Variants in FAM227B observed in about 807,000 individuals in gnomAD.
FAM227B encodes the protein family with sequence similarity 227 member B, also known as protein FAM227B.
FAM227B carries 88 observed loss-of-function variants against 73.8 expected under a neutral mutation model. That is an observed-to-expected ratio of 1.19 (90% CI 1.00 to 1.42). FAM227B has a LOEUF of 1.42. Among genes scored for constraint, FAM227B ranks in the 40% most tolerant of loss-of-function variants. The pLI, the probability that FAM227B is intolerant of heterozygous loss-of-function variation, is 0.00. For missense variants in FAM227B, 632 were observed against 590.9 expected (o/e 1.07, Z -0.72); for synonymous variants, 210 against 190.5 (o/e 1.10, Z -0.84).
chr15:49,456,275 T>C (rs1318003275), intron 11 of FAM227B, among the ~76,000 whole-genome samples: 2 of 152,142 alleles, frequency 1.3e-5, no homozygotes, highest in Non-Finnish European at 2.9e-5. Context: ...TTGATGATCA[T>C]AATAGAATGC....
At chr15:49,347,876 G>A (rs945520682) in intron 13 of FAM227B, among the ~76,000 whole-genome samples, 3 of 152,008 alleles carry the variant, frequency 2.0e-5, no homozygotes, top group Non-Finnish European at 4.4e-5. Flanking sequence ...CAAATTAGCT[G>A]GGCGTGGTGG....
intron 1 of FAM227B, among the ~76,000 whole-genome samples, chr15:49,616,333 T>C (rs73406020): frequency 0.029 from 4,362 of 152,282 alleles, 218 homozygotes; most frequent in African/African-American, 0.1. Context: ...AGATATTTTA[T>C]CTGTGAAAAT....
At chr15:49,443,895 T>C (rs946893424) in intron 11 of FAM227B, among the ~76,000 whole-genome samples, 2 of 149,490 alleles carry the variant, frequency 1.3e-5, no homozygotes, top group Non-Finnish European at 3.0e-5. Context: ...TATGTGTGCA[T>C]ATATATGTAC....
At chr15:49,543,504 T>C (rs925556138) in intron 9 of FAM227B, among the ~76,000 whole-genome samples, 2 of 152,206 alleles carry the variant, frequency 1.3e-5, no homozygotes, top group African/African-American at 4.8e-5. Context: ...AGCTTTTTAG[T>C]TTAATTAAGT....
chr15:49,614,961 T>C, intron 2 of FAM227B, 160 bp downstream of exon 2: 2 of 687,152 alleles, frequency 2.9e-6, no homozygotes, highest in Non-Finnish European at 5.3e-6. Flanking sequence ...GCAATACTCA[T>C]CTCAGTGATT....
At chr15:49,503,910 G>C (rs28873717) in intron 11 of FAM227B, among the ~76,000 whole-genome samples, 49,222 of 151,840 alleles carry the variant, frequency 0.32, 8,694 homozygotes, top group African/African-American at 0.45. Flanking sequence ...ATTTGACCCA[G>C]CCATCCCATT....
At chr15:49,454,086 GT>G (rs771927762) in intron 11 of FAM227B, among the ~76,000 whole-genome samples, 7 of 152,136 alleles carry the variant, frequency 4.6e-5, no homozygotes, top group Non-Finnish European at 1.0e-4. Context: ...ACAGGCGTAG[GT>G]TTGAAACTCT....
intron 3 of FAM227B, among the ~76,000 whole-genome samples, chr15:49,606,538 C>T (rs2077532832): frequency 6.6e-6 from 1 of 152,192 alleles, no homozygotes; most frequent in African/African-American, 2.4e-5. Flanking sequence ...GTTAGGTTGC[C>T]AATTCTGTGA....
intron 11 of FAM227B, among the ~76,000 whole-genome samples, chr15:49,436,724 T>C (rs1242867846): frequency 9.2e-5 from 14 of 151,544 alleles, no homozygotes; most frequent in Admixed American, 9.2e-4. Flanking sequence ...ACTGTCAAAG[T>C]TGGGATGTGA....
intron 9 of FAM227B, among the ~76,000 whole-genome samples, chr15:49,553,627 C>A (rs1047329126): frequency 6.6e-6 from 1 of 152,208 alleles, no homozygotes; most frequent in Non-Finnish European, 1.5e-5. Context: ...GTCCTTCCTA[C>A]TCTTCCCTCC....
intron 3 of FAM227B, among the ~76,000 whole-genome samples, chr15:49,595,705 G>A (rs1379211996): frequency 6.7e-6 from 1 of 150,186 alleles, no homozygotes; most frequent in Non-Finnish European, 1.5e-5. Flanking sequence ...ACAAACATGA[G>A]GGAATTAAAA....
In FAM227B at chr15:49,327,238, C is replaced by T. The variant is rs1001648746; in HGVS notation, c.*1330G>A. 3.3e-5 allele frequency: 5 copies of T among 152,206 alleles called. No individual in the cohort carries two copies. The highest frequency in any genetic ancestry group is 2.0e-4 in the Admixed American group (3 of 15,278). The allele number at this position is 152,206 out of a possible 1,614,324, so 9.4% of individuals were successfully genotyped here. A position where few individuals can be genotyped will look rare whatever the true frequency, so the allele number is the denominator to read the frequency against. On this transcript the variant is annotated 3_prime_UTR_variant, in exon 16 of 16. Coordinates refer to ENST00000299338, the MANE Select transcript of FAM227B (RefSeq NM_152647.3). ...TCAGATATATCTCATCTGATGTCAA[C>T]TTCTGAGTCCAATAATCAGACTAGC...
intron 11 of FAM227B, among the ~76,000 whole-genome samples, chr15:49,503,207 A>G (rs1325432571): frequency 6.6e-6 from 1 of 152,226 alleles, no homozygotes; most frequent in African/African-American, 2.4e-5. Context: ...GGTGCTGGGA[A>G]AACTGGCTAG....
chr15:49,450,699 C>A (rs2052644336), intron 11 of FAM227B, among the ~76,000 whole-genome samples: 1 of 152,132 alleles, frequency 6.6e-6, no homozygotes, highest in Non-Finnish European at 1.5e-5. Context: ...TCCCACATCA[C>A]AGGTTTTCAA....
chr15:49,583,680 G>A (rs969340882), intron 5 of FAM227B, among the ~76,000 whole-genome samples: 1 of 151,626 alleles, frequency 6.6e-6, no homozygotes, highest in Non-Finnish European at 1.5e-5. Context: ...ATTATATGGG[G>A]GATATCACCT....
intron 11 of FAM227B, among the ~76,000 whole-genome samples, chr15:49,376,825 C>G (rs1406233927): frequency 6.6e-6 from 1 of 151,896 alleles, no homozygotes; most frequent in African/African-American, 2.4e-5. Context: ...TTATCTTATC[C>G]ACTTTTGCTA....
At position 49,367,576 on chromosome 15, in the gene FAM227B, A is replaced by G; in HGVS notation, c.1143T>C (p.Asn381=). 6.2e-7 allele frequency: 1 copy of G among 1,601,198 alleles called. No homozygotes were observed. The highest frequency in any genetic ancestry group is 8.5e-7 in the Non-Finnish European group (1 of 1,177,160). The change falls in exon 13 of 16, where the codon AAT becomes AAC. Residue 381 remains asparagine (N), a synonymous_variant. Transcript: ENST00000299338. ...SHYSSTGPEF[N]RVLFNFGGQS... is the part of the protein sequence containing the mutation. ...GACCTCCAAAATTGAAGAGAACACG[A>G]TTAAACTCTGGACCAGTACTACTAT... is the stretch of plus-strand genomic sequence containing the variant.
intron 11 of FAM227B, among the ~76,000 whole-genome samples, chr15:49,496,536 T>C (rs921736189): frequency 2.0e-5 from 3 of 152,336 alleles, no homozygotes; most frequent in Non-Finnish European, 1.5e-5. Flanking sequence ...TCATGAGTCA[T>C]TCCAGATACT....
chr15:49,392,480 G>C (rs1446312264), intron 11 of FAM227B, among the ~76,000 whole-genome samples: 1 of 152,106 alleles, frequency 6.6e-6, no homozygotes, highest in Non-Finnish European at 1.5e-5. Context: ...GATTTGCATG[G>C]GTTCAAACAT....
Sources: gnomAD v4.1 joint callset for allele counts (sites outside exome capture counted in the v4.1 genomes callset) on GRCh38, gnomAD v4.1.1 for gene constraint, MANE v1.5 for transcripts, NCBI Gene and HGNC (gene_info 2026-07-23, HGNC 2026-07-21) for gene names.